The following RICTOR variants were observed in gnomAD, a reference collection of about 807,000 sequenced individuals.
RICTOR encodes rapamycin-insensitive companion of mTOR.
RICTOR carries 49 observed loss-of-function variants against 214.9 expected under a neutral mutation model. That is an observed-to-expected ratio of 0.23 (90% CI 0.18 to 0.29). The LOEUF is 0.29. Ranked by LOEUF, RICTOR falls within the 10% of genes least tolerant of loss-of-function variation. The pLI is 1.00. For synonymous variants in RICTOR, 717 were observed against 711.3 expected (o/e 1.01, Z -0.13); for missense variants, 1,625 against 2,047.0 (o/e 0.79, Z 3.98).
chr5:38,952,231 G>C lies in RICTOR; in HGVS notation c.3092C>G (p.Ser1031Cys), dbSNP rs910266255. The change falls in exon 30 of 38, where the codon TCT (serine) becomes TGT (cysteine). Residue 1031 changes from serine (S) to cysteine (C), a missense_variant. Physicochemically the swap from Ser to Cys is moderately radical, Grantham distance 112. Transcript: ENST00000357387. ...TLSLNSESTSSRHNSESESVP... is the reference protein window; with the variant it reads ...TLSLNSESTSCRHNSESESVP... ...AGATTCACTTTCACTATTATGTCTA[G>C]AGCTGGTTGACTCCGAGTTCAAACT... The C allele has an allele frequency of 6.2e-7, 1 of 1,611,826 alleles. No homozygotes were observed. The highest frequency in any genetic ancestry group is 8.5e-7 in the Non-Finnish European group (1 of 1,178,400).
At chr5:38,968,602 G>T (rs1750434243) in intron 11 of RICTOR, among the ~76,000 whole-genome samples, 1 of 151,856 alleles carries the variant, frequency 6.6e-6, no homozygotes, top group Non-Finnish European at 1.5e-5. Context: ...ACTGGGTGTG[G>T]TGGCACGTTC....
intron 7 of RICTOR, among the ~76,000 whole-genome samples, chr5:38,990,292 T>C (rs1580013112): frequency 6.7e-6 from 1 of 150,158 alleles, no homozygotes; most frequent in East Asian, 2.0e-4. Context: ...AGTTGAATAA[T>C]GAGAACACAT....
rs533134466 is a variant in RICTOR, at chr5:38,999,358, A to AC, written c.393-2477dup. Among the ~76,000 whole-genome samples, 298 of 152,170 alleles carry AC rather than the reference A, an allele frequency of 2.0e-3. 1 individual carries two copies. Among genetic ancestry groups the AC allele is most frequent in the African/African-American group, 7.0e-3 (292 of 41,564 alleles). ...TCCCAAAGAAGCAACAAGAGAAGCT[A>AC]CTTATTGCTCAACTGTTAAAAGAAA... On this transcript the variant is annotated intron_variant, in intron 5 of 37. Transcript: ENST00000357387.
In RICTOR at chr5:38,945,625, G is replaced by C. The variant is rs199683262; in HGVS notation, c.4499C>G (p.Ala1500Gly). The C allele has an allele frequency of 1.2e-6, 2 of 1,613,212 alleles. No individual in the cohort carries two copies. Among genetic ancestry groups the C allele is most frequent in the East Asian group, 4.5e-5 (2 of 44,870 alleles). The change falls in exon 34 of 38, where the codon GCC (alanine) becomes GGC (glycine). Residue 1500 changes from alanine (A) to glycine (G), a missense_variant. Around this residue, in one of 5 missense-constraint regions of RICTOR, gnomAD observed 1,214 missense variants for 1,470.5 expected, o/e 0.83. Transcript: ENST00000357387. ...TTCTGTACTTTCTAAAAACAGAGAG[G>C]CATCTGAATGGATTGAATTCATTAT... Reference protein sequence around the residue: ...TEIMNSIHSDASLFLESTEDT... With the variant: ...TEIMNSIHSDGSLFLESTEDT...
intron 6 of RICTOR, among the ~76,000 whole-genome samples, chr5:38,993,151 C>T (rs1752910959): frequency 6.6e-6 from 1 of 152,168 alleles, no homozygotes; most frequent in African/African-American, 2.4e-5. Flanking sequence ...GAACTTCAAA[C>T]TCATGGGCCA....
intron 29 of RICTOR, 72 bp from the exon 30 acceptor site, chr5:38,952,497 T>C (rs1748879794): frequency 3.0e-6 from 3 of 1,016,116 alleles, no homozygotes; most frequent in Non-Finnish European, 4.5e-6. Flanking sequence ...CACAGATTAA[T>C]TTGCTATACA....
intron 7 of RICTOR, among the ~76,000 whole-genome samples, chr5:38,988,225 G>A (rs1752322467): frequency 6.6e-6 from 1 of 152,054 alleles, no homozygotes; most frequent in South Asian, 2.1e-4. Flanking sequence ...GGTCTGCTTG[G>A]TCCAGAGCTA....
chr5:38,958,387 T>C lies in RICTOR; in HGVS notation c.2420+56A>G, dbSNP rs992434331. On this transcript the variant is annotated intron_variant, in intron 24 of 37. Transcript: ENST00000357387. ...TTTGGATTTGAATCTATCTTTAATA[T>C]ACACTGCCAAAGAACACAACAAAAA... The C allele has an allele frequency of 2.4e-5, 27 of 1,108,858 alleles. No homozygotes were observed. In the South Asian group the frequency reaches 3.0e-4, roughly 12 times the overall value. The allele number at this position is 1,108,858 out of a possible 1,614,324, so 68.7% of individuals were successfully genotyped here. A position where few individuals can be genotyped will look rare whatever the true frequency, so the allele number is the denominator to read the frequency against.
Position 38,946,654 on chromosome 5 carries a change from T to C in RICTOR, c.4315-102A>G, listed in dbSNP as rs1748238541. On this transcript the variant is annotated intron_variant, in intron 32 of 37. Coordinates refer to ENST00000357387, the MANE Select transcript of RICTOR (RefSeq NM_152756.5). ...AAATAAAATTAAAATAGAATTACCA[T>C]AGCATATGAACCTATAATCAAGTTT... 2.8e-6 allele frequency: 2 copies of C among 720,378 alleles called. 1 individual carries two copies. The highest frequency in any genetic ancestry group is 3.4e-5 in the South Asian group (2 of 58,378). 44.6% of individuals were successfully genotyped at this position (720,378 alleles called of 1,614,324 possible).
At chr5:39,028,244 G>A (rs910728753) in intron 2 of RICTOR, among the ~76,000 whole-genome samples, 7 of 145,120 alleles carry the variant, frequency 4.8e-5, no homozygotes, top group Non-Finnish European at 7.5e-5. Flanking sequence ...GTGCAGTGGC[G>A]GGATCTCGGC....
intron 7 of RICTOR, among the ~76,000 whole-genome samples, chr5:38,985,718 C>T (rs1375384397): frequency 1.0e-4 from 15 of 150,142 alleles, no homozygotes; most frequent in Non-Finnish European, 1.5e-4. Flanking sequence ...TTTTTTGAGA[C>T]GGAGTCTCGC....
intron 10 of RICTOR, 117 bp from the exon 11 acceptor site, chr5:38,972,076 C>T (rs1266017046): frequency 3.5e-6 from 2 of 563,780 alleles, no homozygotes; most frequent in African/African-American, 3.8e-5. Flanking sequence ...GATTATGATA[C>T]TATTTGGTCA....
chr5:38,942,274 T>C lies in RICTOR; in HGVS notation c.*30A>G. On this transcript the variant is annotated 3_prime_UTR_variant, in exon 38 of 38. Coordinates refer to ENST00000357387, the MANE Select transcript of RICTOR (RefSeq NM_152756.5). ...AATCCACAAATATGAATATATATAG[T>C]ATGTATCTATATCCATCATAAATAT... is the stretch of plus-strand genomic sequence containing the variant. 8.0e-7 allele frequency: 1 copy of C among 1,255,528 alleles called. No individual in the cohort carries two copies. Among genetic ancestry groups the C allele is most frequent in the Non-Finnish European group, 1.1e-6 (1 of 869,580 alleles). 77.8% of individuals were successfully genotyped at this position (1,255,528 alleles called of 1,614,324 possible). A position where few individuals can be genotyped will look rare whatever the true frequency, so the allele number is the denominator to read the frequency against.
chr5:38,942,829 T>C lies in RICTOR; in HGVS notation c.5052+4A>G. 1.3e-6 allele frequency: 2 copies of C among 1,595,794 alleles called. No individual in the cohort carries two copies. Among genetic ancestry groups the C allele is most frequent in the Non-Finnish European group, 1.7e-6 (2 of 1,163,562 alleles). ...TAAATTTGAGAAGTACTAATCATAC[T>C]TACTTGTAGAAACTGTACATCTTGA... is the stretch of plus-strand genomic sequence containing the variant. On this transcript the variant is annotated splice_donor_region_variant and intron_variant, in intron 37 of 37. Coordinates refer to ENST00000357387, the MANE Select transcript of RICTOR (RefSeq NM_152756.5).
At chr5:39,026,883 T>G (rs1755869549) in intron 2 of RICTOR, among the ~76,000 whole-genome samples, 1 of 151,694 alleles carries the variant, frequency 6.6e-6, no homozygotes, top group East Asian at 1.9e-4. Context: ...CACGCATGCC[T>G]GTTAATCCCA....
intron 2 of RICTOR, among the ~76,000 whole-genome samples, chr5:39,058,112 G>A (rs1320475392): frequency 6.6e-6 from 1 of 151,794 alleles, no homozygotes; most frequent in Non-Finnish European, 1.5e-5. Flanking sequence ...TCGGAGACAA[G>A]CACCAAAAGA....
chr5:38,950,110 T>C lies in RICTOR; in HGVS notation c.3738A>G (p.Thr1246=), dbSNP rs1428955735. The change falls in exon 31 of 38, where the codon ACA becomes ACG. Residue 1246 remains threonine (T), a synonymous_variant. Transcript: ENST00000357387. ...TGCTTCCACAGTCTGTGTCCATAGT[T>C]GTAGCATCTACACCTACTGTCTCTC... ...PSRETVGVDA[T]TMDTDCGSMS... The C allele has an allele frequency of 6.2e-7, 1 of 1,613,048 alleles. No homozygotes were observed. Among genetic ancestry groups the C allele is most frequent in the Admixed American group, 1.7e-5 (1 of 59,938 alleles).
At chr5:39,034,652 C>G (rs555135620) in intron 2 of RICTOR, among the ~76,000 whole-genome samples, 3 of 152,360 alleles carry the variant, frequency 2.0e-5, no homozygotes, top group Non-Finnish European at 4.4e-5. Context: ...TAACAAACGG[C>G]ACACCAGGAG....
intron 2 of RICTOR, among the ~76,000 whole-genome samples, chr5:39,028,413 A>G (rs941223430): frequency 7.9e-5 from 12 of 151,532 alleles, no homozygotes; most frequent in African/African-American, 2.2e-4. Flanking sequence ...CGATCTCCTG[A>G]CCTCGTGATC....
Sources: allele counts gnomAD v4.1 joint callset (sites outside exome capture counted in the v4.1 genomes callset), GRCh38; gene constraint gnomAD v4.1.1; regional missense constraint gnomAD v4.1.1; transcripts MANE v1.5; gene names NCBI Gene and HGNC (gene_info 2026-07-23, HGNC 2026-07-21).